DIP2B: variants seen among roughly 807,000 people sequenced by gnomAD.
DIP2B encodes DIP2 acetate--CoA ligase B (putative).
A neutral mutation model predicts 198.0 loss-of-function variants in DIP2B; 76 were observed. The ratio of observed to expected loss-of-function variants is 0.38; its 90% CI spans 0.32 to 0.46. The LOEUF is 0.46. DIP2B is among the 20% of genes least tolerant of loss of function. The pLI is 0.99. For synonymous variants in DIP2B, 701 were observed against 739.1 expected, an observed-to-expected ratio of 0.95 and a Z score of 0.84; for missense variants, 1,559 against 1,978.4, an observed-to-expected ratio of 0.79 and a Z score of 4.02.
rs1555191039 is a variant in DIP2B at position 50,663,555 on chromosome 12, C to CAGATAAATAAATAAAT, written c.427+3237_427+3238insGATAAATAAATAAATA. 1.4e-3 allele frequency among the ~76,000 whole-genome samples: 204 copies of CAGATAAATAAATAAAT among 141,910 alleles called. 1 individual carries two copies. The highest frequency in any genetic ancestry group is 5.0e-3 in the African/African-American group (188 of 37,928). 93.1% of individuals were successfully genotyped at this position (141,910 alleles called of 152,430 possible). ...TGGGCAACAGAGCCAGACTCCGTCT[C>CAGATAAATAAATAAAT]AAATAAATAAATAAATAAATAAATA... is the stretch of plus-strand genomic sequence containing the variant. On this transcript the variant is annotated intron_variant, in intron 4 of 37. Coordinates refer to ENST00000301180, the MANE Select transcript of DIP2B (RefSeq NM_173602.3).
intron 1 of DIP2B, among the ~76,000 whole-genome samples, chr12:50,542,443 T>C (rs1210260034): frequency 6.6e-6 from 1 of 152,166 alleles, no homozygotes; most frequent in Non-Finnish European, 1.5e-5. Context: ...TTGATATTCC[T>C]GAGTCATCAC....
At chr12:50,660,871 ACATT>A (rs1488390906) in intron 4 of DIP2B, among the ~76,000 whole-genome samples, 1 of 152,136 alleles carries the variant, frequency 6.6e-6, no homozygotes, top group Non-Finnish European at 1.5e-5. Flanking sequence ...TATTTTGTAC[ACATT>A]TATTTATTTT....
chr12:50,632,503 A>G (rs898613638), intron 2 of DIP2B, among the ~76,000 whole-genome samples: 1 of 144,148 alleles, frequency 6.9e-6, no homozygotes, highest in African/African-American at 2.6e-5. Context: ...AAAAGGTAAC[A>G]TTCTCACTAC....
At chr12:50,685,759 A>G (rs1939119932) in intron 10 of DIP2B, 74 bp from the exon 11 acceptor site, 2 of 1,486,760 alleles carry the variant, frequency 1.3e-6, no homozygotes, top group Non-Finnish European at 1.8e-6. Context: ...CCAGAGCATT[A>G]CTAAGTGTCA....
Position 50,732,542 on chromosome 12 carries a change from C to T in DIP2B, c.3981+6C>T, listed in dbSNP as rs796758418. ...ATGTAGCAATATGTTTACAGGTGACCCTCATGAAATCTTGTCTGTTGACAA... is the reference window on the plus strand; with the variant it reads ...ATGTAGCAATATGTTTACAGGTGACTCTCATGAAATCTTGTCTGTTGACAA... On this transcript the variant is annotated splice_donor_region_variant and intron_variant, in intron 32 of 37. Coordinates refer to ENST00000301180, the MANE Select transcript of DIP2B (RefSeq NM_173602.3). 11 of 1,613,864 alleles carry T rather than the reference C, an allele frequency of 6.8e-6. No homozygotes were observed. In the African/African-American group the frequency reaches 1.1e-4, roughly 16 times the overall value.
chr12:50,601,938 A>C (rs568844405), intron 1 of DIP2B, among the ~76,000 whole-genome samples: 1 of 152,136 alleles, frequency 6.6e-6, no homozygotes, highest in South Asian at 2.1e-4. Context: ...TGGTGTGCAT[A>C]GTTATTGCTC....
chr12:50,704,936 A>C (rs897591104), intron 20 of DIP2B, among the ~76,000 whole-genome samples: 1 of 152,138 alleles, frequency 6.6e-6, no homozygotes, highest in Non-Finnish European at 1.5e-5. Context: ...CAACAGAGCG[A>C]GACTTCATTT....
intron 6 of DIP2B, among the ~76,000 whole-genome samples, 178 bp from the exon 7 acceptor site, chr12:50,675,151 C>G (rs892105399): frequency 1.6e-4 from 24 of 152,302 alleles, no homozygotes; most frequent in African/African-American, 5.5e-4. Flanking sequence ...TTAATAATAG[C>G]ACCATATTTG....
intron 1 of DIP2B, among the ~76,000 whole-genome samples, chr12:50,566,822 A>G (rs1166015639): frequency 1.3e-5 from 2 of 152,098 alleles, no homozygotes; most frequent in Non-Finnish European, 2.9e-5. Flanking sequence ...AATACAAAAA[A>G]TTAGCCAGGC....
chr12:50,702,015 G>A (rs1406596742), intron 19 of DIP2B, among the ~76,000 whole-genome samples: 3 of 151,946 alleles, frequency 2.0e-5, no homozygotes, highest in East Asian at 1.9e-4. Context: ...TGTGATCCTC[G>A]CACTTTGAGA....
chr12:50,593,736 CT>C (rs1958845453), intron 1 of DIP2B, among the ~76,000 whole-genome samples: 3 of 4,840 alleles, frequency 6.2e-4, no homozygotes, highest in Non-Finnish European at 6.2e-4. Flanking sequence ...CTCTCCTCTC[CT>C]CTCCTCTCCC....
intron 30 of DIP2B, among the ~76,000 whole-genome samples, chr12:50,730,943 C>G (rs1473487259): frequency 1.3e-5 from 2 of 152,158 alleles, no homozygotes; most frequent in African/African-American, 4.8e-5. Flanking sequence ...ATTCACATCT[C>G]ATATTCAGAG....
intron 22 of DIP2B, 126 bp from the exon 23 acceptor site, chr12:50,714,269 G>T: frequency 2.1e-6 from 2 of 932,750 alleles, no homozygotes; most frequent in Admixed American, 4.8e-5. Context: ...TTAGTGATCT[G>T]CCAGATTCTA....
At chr12:50,556,366 AGCCCG>A (rs1958471234) in intron 1 of DIP2B, among the ~76,000 whole-genome samples, 2 of 152,236 alleles carry the variant, frequency 1.3e-5, no homozygotes, top group South Asian at 4.1e-4. Flanking sequence ...TAAGCCATCG[AGCCCG>A]GCCGACTCCT....
chr12:50,658,746 A>G (rs1938595120), intron 3 of DIP2B, among the ~76,000 whole-genome samples: 2 of 152,204 alleles, frequency 1.3e-5, no homozygotes, highest in South Asian at 4.1e-4. Flanking sequence ...GTTGGTCTGT[A>G]CACAGTGAGG....
chr12:50,743,637 C>T (rs1035338094), intron 37 of DIP2B: 33 of 152,232 alleles, frequency 2.2e-4, no homozygotes, highest in African/African-American at 6.7e-4. Flanking sequence ...TCAAACTATT[C>T]GTTCTACTCT....
At chr12:50,656,183 T>G (rs1565860582) in intron 3 of DIP2B, among the ~76,000 whole-genome samples, 1 of 152,186 alleles carries the variant, frequency 6.6e-6, no homozygotes, top group East Asian at 1.9e-4. Flanking sequence ...GATGTAGTTA[T>G]ATGTATATGA....
chr12:50,640,441 A>G (rs1415295252), intron 2 of DIP2B, among the ~76,000 whole-genome samples: 3 of 152,156 alleles, frequency 2.0e-5, no homozygotes, highest in African/African-American at 4.8e-5. Flanking sequence ...ACTCCCCATC[A>G]GTACTGCCTC....
In DIP2B at chr12:50,526,792, C is replaced by T. The variant is rs532045907; in HGVS notation, c.100+21552C>T. ...CTGAGATTACAGGCCTGTGCCACCA[C>T]GCTTGGCTACTTTTTGTATTTTTAG... On this transcript the variant is annotated intron_variant, in intron 1 of 37. Transcript: ENST00000301180. 3.9e-5 allele frequency among the ~76,000 whole-genome samples: 6 copies of T among 152,068 alleles called. No individual in the cohort carries two copies. In the South Asian group the frequency reaches 8.3e-4, roughly 21 times the overall value.
Sources: gnomAD v4.1 joint callset for allele counts (sites outside exome capture counted in the v4.1 genomes callset) on GRCh38, gnomAD v4.1.1 for gene constraint, MANE v1.5 for transcripts, NCBI Gene and HGNC (gene_info 2026-07-23, HGNC 2026-07-21) for gene names.